PTPRJ: variants seen among roughly 807,000 people sequenced by gnomAD.
PTPRJ encodes receptor-type tyrosine-protein phosphatase eta.
Under a neutral mutation model 141.3 loss-of-function variants are expected in PTPRJ, and 129 were observed. The ratio of observed to expected loss-of-function variants is 0.91; its 90% CI spans 0.79 to 1.06. The LOEUF (loss-of-function observed/expected upper bound fraction) is 1.06. Ranked by LOEUF, PTPRJ falls within the 50% of genes least tolerant of loss-of-function variation. The pLI is 0.00. For synonymous variants in PTPRJ, 610 were observed against 640.5 expected (o/e 0.95, Z 0.72); for missense variants, 1,601 against 1,679.7 (o/e 0.95, Z 0.82).
At position 47,980,781 on chromosome 11, in the gene PTPRJ, GGGACGAGGC is replaced by G; in HGVS notation, c.-127_-119del. The G allele has an allele frequency of 9.7e-7, 1 of 1,030,612 alleles. No homozygotes were observed. Among genetic ancestry groups the G allele is most frequent in the Non-Finnish European group, 1.2e-6 (1 of 861,788 alleles). 63.8% of individuals were successfully genotyped at this position (1,030,612 alleles called of 1,614,324 possible). A position where few individuals can be genotyped will look rare whatever the true frequency, so the allele number is the denominator to read the frequency against. ...GGGGAAGCCCGGGGCGGGCGGAGCG[GGGACGAGGC>G]GGACCGGCTGGCGGAGGAGGAGGCG... On this transcript the variant is annotated 5_prime_UTR_variant, in exon 1 of 25. Transcript: ENST00000418331.
chr11:48,132,510 A>G, intron 8 of PTPRJ: 1 of 982,696 alleles, frequency 1.0e-6, no homozygotes. Flanking sequence ...AAAGGTTGAA[A>G]AACATACAGT....
At chr11:48,140,752 C>T (rs1025011482) in intron 11 of PTPRJ, among the ~76,000 whole-genome samples, 1 of 152,148 alleles carries the variant, frequency 6.6e-6, no homozygotes, top group Non-Finnish European at 1.5e-5. Context: ...AAAGGAATAG[C>T]CGAAATTGGT....
chr11:48,055,467 C>T (rs1854728257), intron 1 of PTPRJ, among the ~76,000 whole-genome samples: 1 of 152,200 alleles, frequency 6.6e-6, no homozygotes, highest in Non-Finnish European at 1.5e-5. Flanking sequence ...CCTCTTTCCT[C>T]CTCACCTCCA....
intron 1 of PTPRJ, among the ~76,000 whole-genome samples, chr11:48,107,603 G>A (rs1201816281): frequency 6.6e-6 from 1 of 152,176 alleles, no homozygotes; most frequent in African/African-American, 2.4e-5. Flanking sequence ...AGCTATGGGG[G>A]CCAGCAGAAG....
At chr11:48,050,819 C>A (rs1565277016) in intron 1 of PTPRJ, among the ~76,000 whole-genome samples, 1 of 152,122 alleles carries the variant, frequency 6.6e-6, no homozygotes, top group Admixed American at 6.5e-5. Flanking sequence ...ATTTACAACA[C>A]CCCTTTAGGC....
chr11:48,127,241 T>G (rs1590535158), intron 6 of PTPRJ, among the ~76,000 whole-genome samples: 1 of 152,068 alleles, frequency 6.6e-6, no homozygotes, highest in South Asian at 2.1e-4. Context: ...AGTGGGCAGG[T>G]GGTGAATAAC....
chr11:48,048,662 C>T (rs558216299), intron 1 of PTPRJ, among the ~76,000 whole-genome samples: 11 of 152,070 alleles, frequency 7.2e-5, no homozygotes, highest in Non-Finnish European at 1.6e-4. Context: ...GGTGTGATGG[C>T]GCGTGCCTGT....
chr11:48,047,072 C>T (rs570796520), intron 1 of PTPRJ, among the ~76,000 whole-genome samples: 6 of 151,474 alleles, frequency 4.0e-5, no homozygotes, highest in East Asian at 1.9e-4. Flanking sequence ...CGCACCACCA[C>T]GCCTGGCTAA....
intron 1 of PTPRJ, among the ~76,000 whole-genome samples, chr11:48,048,952 C>A (rs1240952658): frequency 6.6e-6 from 1 of 152,192 alleles, no homozygotes. Flanking sequence ...ACTGTCCAGG[C>A]TCACACAGCC....
At chr11:48,047,812 A>G (rs1359667482) in intron 1 of PTPRJ, among the ~76,000 whole-genome samples, 1 of 151,662 alleles carries the variant, frequency 6.6e-6, no homozygotes, top group Non-Finnish European at 1.5e-5. Context: ...GAGCATGAGT[A>G]TGGCATGGGA....
At chr11:48,042,256 A>G (rs1854289121) in intron 1 of PTPRJ, among the ~76,000 whole-genome samples, 1 of 152,180 alleles carries the variant, frequency 6.6e-6, no homozygotes, top group Non-Finnish European at 1.5e-5. Flanking sequence ...TTTGCCCAGT[A>G]GAACATGACT....
At position 48,130,449 on chromosome 11, in the gene PTPRJ, C is replaced by G. The variant is rs754875757; in HGVS notation, c.1358-10C>G. On this transcript the variant is annotated splice_polypyrimidine_tract_variant and intron_variant, in intron 7 of 24. Coordinates refer to ENST00000418331, the MANE Select transcript of PTPRJ (RefSeq NM_002843.4). ...TATTTTTAATCTAGTTGTTTACTTT[C>G]TTTGCATAGCCCCTGTTCCAGTTTC... 8 of 1,599,416 alleles carry G rather than the reference C, an allele frequency of 5.0e-6. No homozygotes were observed. The African/African-American group carries it at 1.1e-4, about 21-fold the overall frequency.
chr11:48,112,522 T>TA (rs964385668), intron 2 of PTPRJ, among the ~76,000 whole-genome samples: 6 of 152,322 alleles, frequency 3.9e-5, no homozygotes, highest in African/African-American at 1.4e-4. Flanking sequence ...GTGTGCAGTG[T>TA]AAGCATGGAG....
At chr11:48,011,635 G>A (rs1854792611) in intron 1 of PTPRJ, among the ~76,000 whole-genome samples, 2 of 152,060 alleles carry the variant, frequency 1.3e-5, no homozygotes, top group African/African-American at 4.8e-5. Context: ...CACATATGAT[G>A]CTCACTAAGT....
intron 1 of PTPRJ, among the ~76,000 whole-genome samples, chr11:48,081,886 G>A (rs1238844281): frequency 6.6e-6 from 1 of 152,214 alleles, no homozygotes; most frequent in African/African-American, 2.4e-5. Context: ...GAAGTCTCAG[G>A]AAGCTCGAAG....
At chr11:47,989,180 G>A (rs549366990) in intron 1 of PTPRJ, among the ~76,000 whole-genome samples, 1 of 151,676 alleles carries the variant, frequency 6.6e-6, no homozygotes, top group Non-Finnish European at 1.5e-5. Context: ...ACCGCGCCTG[G>A]CCGTATCTTG....
intron 1 of PTPRJ, among the ~76,000 whole-genome samples, chr11:48,081,315 G>A (rs6485807): frequency 0.57 from 86,432 of 152,140 alleles, 28,363 homozygotes; most frequent in East Asian, 0.81. Flanking sequence ...TGTCTTCTCC[G>A]TGGTGCCCAG....
chr11:48,016,027 T>C (rs1414745690), intron 1 of PTPRJ, among the ~76,000 whole-genome samples: 2 of 152,034 alleles, frequency 1.3e-5, no homozygotes, highest in African/African-American at 4.8e-5. Flanking sequence ...TCCTTTGCAG[T>C]GGGAGCCAGG....
intron 1 of PTPRJ, among the ~76,000 whole-genome samples, chr11:48,061,031 G>T (rs1854908629): frequency 6.6e-6 from 1 of 152,012 alleles, no homozygotes; most frequent in African/African-American, 2.4e-5. Flanking sequence ...ACGGAGTTTT[G>T]CTCTTGTTGC....
Sources: allele counts gnomAD v4.1 joint callset (sites outside exome capture counted in the v4.1 genomes callset), GRCh38; gene constraint gnomAD v4.1.1; transcripts MANE v1.5; gene names NCBI Gene and HGNC (gene_info 2026-07-23, HGNC 2026-07-21).